LRMDA: variants seen among roughly 807,000 people sequenced by gnomAD.
LRMDA encodes the protein leucine-rich melanocyte differentiation-associated protein.
Under a neutral mutation model 29.8 loss-of-function variants are expected in LRMDA, and 18 were observed. The observed-to-expected ratio is 0.60, with a 90% CI of 0.42 to 0.90. LRMDA has a LOEUF of 0.90. Ranked by LOEUF, LRMDA falls within the 40% of genes least tolerant of loss-of-function variation. The probability of loss-of-function intolerance (pLI) is 0.00; values close to 1 mark genes in which losing one functional copy is unlikely to be tolerated. For synonymous variants in LRMDA, 125 were observed against 109.4 expected (o/e 1.14, Z -0.89); for missense variants, 273 against 273.9 (o/e 1.00, Z 0.02).
At chr10:76,244,557 C>G (rs1327959077) in intron 5 of LRMDA, among the ~76,000 whole-genome samples, 1 of 152,126 alleles carries the variant, frequency 6.6e-6, no homozygotes, top group Non-Finnish European at 1.5e-5. Flanking sequence ...TATAGAGAAG[C>G]AGCTGAAGTC....
Position 76,557,247 on chromosome 10 carries a change from A to G in LRMDA, c.640A>G (p.Asn214Asp), listed in dbSNP as rs1162618837. The G allele has an allele frequency of 6.2e-7, 1 of 1,614,126 alleles. No homozygotes were observed. The highest frequency in any genetic ancestry group is 8.5e-7 in the Non-Finnish European group (1 of 1,180,004). ...GTGTCGCTACGTTTACTATGGGAAAAACTCAGAGGGCAACAGGTTTATCCG... is the reference window on the plus strand; with the variant it reads ...GTGTCGCTACGTTTACTATGGGAAAGACTCAGAGGGCAACAGGTTTATCCG... ...GKCRYVYYGK[N>D]SEGNRFIRDD... Residue 214 changes from asparagine (N) to aspartate (D), a missense_variant, in exon 7 of 7, where the codon AAC becomes GAC. By Grantham distance (23) the Asn-to-Asp change is conservative. Coordinates refer to ENST00000611255, the MANE Select transcript of LRMDA (RefSeq NM_001305581.2).
intron 2 of LRMDA, among the ~76,000 whole-genome samples, chr10:75,995,711 T>C (rs188300349): frequency 6.6e-6 from 1 of 152,296 alleles, no homozygotes; most frequent in East Asian, 1.9e-4. Context: ...TATTGTGAAG[T>C]TTTTCTTTCA....
At chr10:76,038,422 G>A (rs747704019) in intron 3 of LRMDA, among the ~76,000 whole-genome samples, 10 of 152,204 alleles carry the variant, frequency 6.6e-5, no homozygotes, top group Non-Finnish European at 1.2e-4. Context: ...GGCCTAGGAG[G>A]GACCGAAGCA....
intron 5 of LRMDA, among the ~76,000 whole-genome samples, chr10:76,293,724 A>C (rs960845426): frequency 3.3e-5 from 5 of 152,220 alleles, no homozygotes; most frequent in Non-Finnish European, 7.3e-5. Context: ...AAACATTATA[A>C]AATTCTCATG....
chr10:75,897,502 C>A (rs1845602764), intron 2 of LRMDA, among the ~76,000 whole-genome samples: 1 of 152,140 alleles, frequency 6.6e-6, no homozygotes, highest in Admixed American at 6.5e-5. Flanking sequence ...CCTGCTAGAC[C>A]TGAAGAATTT....
chr10:75,616,179 T>G (rs57417538), intron 2 of LRMDA, among the ~76,000 whole-genome samples: 14,741 of 152,050 alleles, frequency 0.097, 2,273 homozygotes, highest in African/African-American at 0.33. Flanking sequence ...GAACTCCCAT[T>G]TACAAAATCA....
At chr10:75,481,230 C>T (rs1365769918) in intron 2 of LRMDA, among the ~76,000 whole-genome samples, 3 of 151,886 alleles carry the variant, frequency 2.0e-5, no homozygotes, top group South Asian at 2.1e-4. Context: ...GGCAGTTTAG[C>T]GTGAGAAGAG....
chr10:76,205,165 T>A (rs556882840), intron 5 of LRMDA, among the ~76,000 whole-genome samples: 2 of 152,136 alleles, frequency 1.3e-5, no homozygotes, highest in Non-Finnish European at 2.9e-5. Context: ...CTAAGTAACT[T>A]TCTCTGGAAA....
intron 5 of LRMDA, among the ~76,000 whole-genome samples, chr10:76,314,361 C>T (rs1840665838): frequency 6.6e-6 from 1 of 152,164 alleles, no homozygotes; most frequent in South Asian, 2.1e-4. Flanking sequence ...TGTGAGCCAT[C>T]GTGCCCAGTC....
At chr10:76,435,961 C>A (rs1185670545) in intron 6 of LRMDA, among the ~76,000 whole-genome samples, 1 of 152,164 alleles carries the variant, frequency 6.6e-6, no homozygotes, top group Non-Finnish European at 1.5e-5. Flanking sequence ...TGGGCTGAAG[C>A]AAAATGCTTT....
intron 6 of LRMDA, among the ~76,000 whole-genome samples, chr10:76,429,470 A>G (rs151084830): frequency 2.5e-4 from 38 of 152,272 alleles, no homozygotes; most frequent in African/African-American, 8.9e-4. Context: ...AGGTGATTGG[A>G]CGTGGAGAGC....
chr10:76,211,378 G>A (rs757966577), intron 5 of LRMDA, among the ~76,000 whole-genome samples: 2 of 152,158 alleles, frequency 1.3e-5, no homozygotes, highest in African/African-American at 2.4e-5. Flanking sequence ...TTTCTCAAAT[G>A]AGAAACATTC....
At chr10:75,603,877 T>A (rs919106155) in intron 2 of LRMDA, among the ~76,000 whole-genome samples, 3 of 152,220 alleles carry the variant, frequency 2.0e-5, no homozygotes, top group African/African-American at 7.2e-5. Flanking sequence ...GTGTCACCAG[T>A]ACTGCGTTGA....
At chr10:75,653,238 A>G (rs1841621444) in intron 2 of LRMDA, among the ~76,000 whole-genome samples, 1 of 152,206 alleles carries the variant, frequency 6.6e-6, no homozygotes, top group East Asian at 1.9e-4. Flanking sequence ...TTTAGTGTTC[A>G]GGCTTTCTTT....
At chr10:75,844,366 C>G (rs1357187678) in intron 2 of LRMDA, among the ~76,000 whole-genome samples, 1 of 152,140 alleles carries the variant, frequency 6.6e-6, no homozygotes, top group Non-Finnish European at 1.5e-5. Context: ...ACAACTTAAG[C>G]TTCTGTCTTT....
At chr10:76,533,187 C>T (rs773144098) in intron 6 of LRMDA, among the ~76,000 whole-genome samples, 1 of 152,104 alleles carries the variant, frequency 6.6e-6, no homozygotes, top group Non-Finnish European at 1.5e-5. Flanking sequence ...ATCACAAACA[C>T]CTGTAAAGTG....
chr10:75,736,827 A>G (rs1842768484), intron 2 of LRMDA, among the ~76,000 whole-genome samples: 1 of 152,170 alleles, frequency 6.6e-6, no homozygotes, highest in Non-Finnish European at 1.5e-5. Context: ...CTCCCCCTTC[A>G]ATATCAGATG....
intron 5 of LRMDA, among the ~76,000 whole-genome samples, chr10:76,078,013 TTTTTTTTTTTTTTTTG>T (rs1848987936): frequency 1.7e-5 from 2 of 119,444 alleles, no homozygotes; most frequent in African/African-American, 6.5e-5. Context: ...TTTTTTTTTT[TTTTTTTTTTTTTTTTG>T]AGATGGAGTC....
intron 6 of LRMDA, among the ~76,000 whole-genome samples, chr10:76,503,111 T>A (rs1034759183): frequency 6.6e-6 from 1 of 151,966 alleles, no homozygotes; most frequent in Admixed American, 6.6e-5. Flanking sequence ...TGAAGGGATG[T>A]TGGATTTTAT....
Sources: allele counts gnomAD v4.1 joint callset (sites outside exome capture counted in the v4.1 genomes callset), GRCh38; gene constraint gnomAD v4.1.1; transcripts MANE v1.5; gene names NCBI Gene and HGNC (gene_info 2026-07-23, HGNC 2026-07-21).